TRAM2: variants seen among roughly 807,000 people sequenced by gnomAD.
TRAM2 encodes translocation associated membrane protein 2.
A neutral mutation model predicts 51.0 loss-of-function variants in TRAM2; 12 were observed. The observed-to-expected ratio is 0.24, with a 90% CI of 0.15 to 0.38. The LOEUF is 0.38. TRAM2 is among the 10% of genes least tolerant of loss of function. TRAM2 has a pLI of 1.00. For synonymous variants in TRAM2, 175 were observed against 179.4 expected (o/e 0.98, Z 0.20); for missense variants, 361 against 462.0 (o/e 0.78, Z 2.00).
chr6:52,533,088 G>A (rs747682826), intron 2 of TRAM2, among the ~76,000 whole-genome samples: 5 of 148,516 alleles, frequency 3.4e-5, no homozygotes, highest in Non-Finnish European at 7.4e-5. Flanking sequence ...GCTGTTGGGG[G>A]CTAGAGGGGG....
chr6:52,549,650 T>C (rs1334449991), intron 1 of TRAM2, among the ~76,000 whole-genome samples: 1 of 152,168 alleles, frequency 6.6e-6, no homozygotes, highest in Non-Finnish European at 1.5e-5. Context: ...TAGAATTCCA[T>C]TTATGCTGCA....
At chr6:52,520,620 C>T (rs920086033) in intron 2 of TRAM2, among the ~76,000 whole-genome samples, 5 of 152,228 alleles carry the variant, frequency 3.3e-5, no homozygotes, top group African/African-American at 1.2e-4. Flanking sequence ...ATCATCCTAA[C>T]TATCTCATGA....
Position 52,507,619 on chromosome 6 carries a change from T to C in TRAM2, c.560A>G (p.Glu187Gly), listed in dbSNP as rs754061993. ...AATATACTGGAGCTGGCGGGGAATTTCCTCCTGGAAACAAGAGAAGCAGAT... is the reference window on the plus strand; with the variant it reads ...AATATACTGGAGCTGGCGGGGAATTCCCTCCTGGAAACAAGAGAAGCAGAT... Reference protein sequence around the residue: ...ELYFQKVRKEEIPRQLQYICL... With the variant: ...ELYFQKVRKEGIPRQLQYICL... Residue 187 changes from glutamate (E) to glycine (G), a missense_variant, in exon 7 of 11, where the codon GAA becomes GGA. By Grantham distance (98) the Glu-to-Gly change is moderately conservative (BLOSUM62 -2). Coordinates refer to ENST00000182527, the MANE Select transcript of TRAM2 (RefSeq NM_012288.4). 1 of 1,614,050 alleles carries C rather than the reference T, an allele frequency of 6.2e-7. No homozygotes were observed. Among genetic ancestry groups the C allele is most frequent in the Non-Finnish European group, 8.5e-7 (1 of 1,180,004 alleles).
At chr6:52,505,567 G>GA in intron 9 of TRAM2, 32 bp downstream of exon 9, 1 of 1,577,788 alleles carries the variant, frequency 6.3e-7, no homozygotes. Flanking sequence ...GAGGCTCCCT[G>GA]GCTTATCACC....
At chr6:52,505,784 C>A in intron 8 of TRAM2, 42 bp from the exon 9 acceptor site, 1 of 1,560,366 alleles carries the variant, frequency 6.4e-7, no homozygotes, top group Non-Finnish European at 8.7e-7. Context: ...CTTTAGCGCC[C>A]TTGAAGGAAT....
At chr6:52,567,080 C>T (rs1400797181) in intron 1 of TRAM2, among the ~76,000 whole-genome samples, 1 of 152,234 alleles carries the variant, frequency 6.6e-6, no homozygotes, top group Non-Finnish European at 1.5e-5. Flanking sequence ...ATTTGCAGAA[C>T]AAGGGGCAAG....
intron 2 of TRAM2, among the ~76,000 whole-genome samples, chr6:52,519,475 G>T (rs1259791986): frequency 6.6e-6 from 1 of 152,126 alleles, no homozygotes; most frequent in Non-Finnish European, 1.5e-5. Context: ...AAACAAACAA[G>T]CAAAAAACAG....
chr6:52,503,920 T>A (rs1299157133), intron 10 of TRAM2, among the ~76,000 whole-genome samples: 3 of 152,116 alleles, frequency 2.0e-5, no homozygotes, highest in Admixed American at 2.0e-4. Flanking sequence ...CGCGCGTGTC[T>A]GGTTCAAACA....
At chr6:52,544,426 C>G (rs910574188) in intron 1 of TRAM2, among the ~76,000 whole-genome samples, 4 of 152,162 alleles carry the variant, frequency 2.6e-5, no homozygotes, top group African/African-American at 9.7e-5. Context: ...GGCCATGGTA[C>G]CATTCCAGTA....
intron 2 of TRAM2, among the ~76,000 whole-genome samples, chr6:52,528,419 C>T (rs1766823097): frequency 6.6e-6 from 1 of 152,012 alleles, no homozygotes; most frequent in Non-Finnish European, 1.5e-5. Context: ...CAAAGAGGGG[C>T]TCAGCTTGAT....
intron 10 of TRAM2, 91 bp downstream of exon 10, chr6:52,504,500 A>C: frequency 6.4e-7 from 1 of 1,574,400 alleles, no homozygotes; most frequent in Non-Finnish European, 8.6e-7. Context: ...TGGTCTGGGC[A>C]GCGCCCAAGA....
At position 52,499,088 on chromosome 6, in the gene TRAM2, T is replaced by C. The variant is rs1766151058; in HGVS notation, c.*4109A>G. On this transcript the variant is annotated 3_prime_UTR_variant, in exon 11 of 11. Coordinates refer to ENST00000182527, the MANE Select transcript of TRAM2 (RefSeq NM_012288.4). The stretch of plus-strand genomic sequence containing the variant: ...CTTTGCAAGGTGGAGCTAACACTCA[T>C]GTGAGTAGTGGGGTAGAGTGAGAAG... 1.3e-5 allele frequency: 2 copies of C among 152,148 alleles called. No individual in the cohort carries two copies. Among genetic ancestry groups the C allele is most frequent in the African/African-American group, 2.4e-5 (1 of 41,418 alleles). 9.4% of individuals were successfully genotyped at this position (152,148 alleles called of 1,614,324 possible).
chr6:52,510,344 T>C (rs982736444), intron 4 of TRAM2, among the ~76,000 whole-genome samples: 1 of 152,174 alleles, frequency 6.6e-6, no homozygotes, highest in Non-Finnish European at 1.5e-5. Flanking sequence ...TGAAATCTAA[T>C]GAATATTCTT....
At chr6:52,543,820 A>C (rs997521101) in intron 1 of TRAM2, among the ~76,000 whole-genome samples, 1 of 152,218 alleles carries the variant, frequency 6.6e-6, no homozygotes, top group African/African-American at 2.4e-5. Flanking sequence ...AATCATCCCC[A>C]AGGAACTTCT....
intron 1 of TRAM2, among the ~76,000 whole-genome samples, chr6:52,557,374 C>T (rs771031530): frequency 3.3e-5 from 5 of 152,152 alleles, no homozygotes; most frequent in Admixed American, 6.6e-5. Context: ...TACTGTATAT[C>T]AGGTTCTATA....
Position 52,498,857 on chromosome 6 carries a change from A to G in TRAM2, c.*4340T>C, listed in dbSNP as rs952427040. ...GGGGCTGGCCACGGAGTACAAGTTGAAAACCACACAGCAAAGTAAGGCACT... is the reference window on the plus strand; with the variant it reads ...GGGGCTGGCCACGGAGTACAAGTTGGAAACCACACAGCAAAGTAAGGCACT... On this transcript the variant is annotated 3_prime_UTR_variant, in exon 11 of 11. Coordinates refer to ENST00000182527, the MANE Select transcript of TRAM2 (RefSeq NM_012288.4). The G allele has an allele frequency of 6.6e-6, 1 of 152,650 alleles. No homozygotes were observed. Among genetic ancestry groups the G allele is most frequent in the African/African-American group, 2.4e-5 (1 of 41,408 alleles). 9.5% of individuals were successfully genotyped at this position (152,650 alleles called of 1,614,324 possible). A position where few individuals can be genotyped will look rare whatever the true frequency, so the allele number is the denominator to read the frequency against.
chr6:52,516,040 G>A lies in TRAM2; in HGVS notation c.377C>T (p.Thr126Ile), dbSNP rs1277278604. Residue 126 changes from threonine (T) to isoleucine (I), a missense_variant, in exon 4 of 11, where the codon ACC becomes ATC. By Grantham distance (89) the Thr-to-Ile change is moderately conservative. Coordinates refer to ENST00000182527, the MANE Select transcript of TRAM2 (RefSeq NM_012288.4). ...CACGTAGAAGCACCAAATCACCGAG[G>A]TGAAATGAAAGACGACCAGCTGTCC... ...ESGQLVVFHF[T>I]SVIWCFYVVV... 2 of 1,614,076 alleles carry A rather than the reference G, an allele frequency of 1.2e-6. No homozygotes were observed. The highest frequency in any genetic ancestry group is 1.7e-6 in the Non-Finnish European group (2 of 1,180,046).
chr6:52,564,995 G>A (rs937636224), intron 1 of TRAM2, among the ~76,000 whole-genome samples: 1 of 152,040 alleles, frequency 6.6e-6, no homozygotes, highest in Non-Finnish European at 1.5e-5. Flanking sequence ...AAGGAGGAGG[G>A]AATGTTCAGG....
chr6:52,555,403 T>C (rs767594230), intron 1 of TRAM2, among the ~76,000 whole-genome samples: 5 of 152,164 alleles, frequency 3.3e-5, no homozygotes, highest in Non-Finnish European at 7.3e-5. Flanking sequence ...ATAATATGCA[T>C]TTCATTAAAA....
Sources: allele counts gnomAD v4.1 joint callset (sites outside exome capture counted in the v4.1 genomes callset), GRCh38; gene constraint gnomAD v4.1.1; transcripts MANE v1.5; gene names NCBI Gene and HGNC (gene_info 2026-07-23, HGNC 2026-07-21).